Variants in TENT4A observed in about 807,000 individuals in gnomAD.
TENT4A encodes terminal nucleotidyltransferase 4A, also known as DNA polymerase kappa.
Under a neutral mutation model 72.8 loss-of-function variants are expected in TENT4A, and 7 were observed. The ratio of observed to expected loss-of-function variants is 0.10; its 90% CI spans 0.05 to 0.18. TENT4A has a LOEUF of 0.18. Ranked by LOEUF, TENT4A falls within the 10% of genes least tolerant of loss-of-function variation. The pLI is 1.00. For synonymous variants in TENT4A, 456 were observed against 434.3 expected, an observed-to-expected ratio of 1.05 and a Z score of -0.62; for missense variants, 831 against 1,017.7, an observed-to-expected ratio of 0.82 and a Z score of 2.50.
chr5:6,755,010 CAG>C lies in TENT4A; in HGVS notation c.*66_*67del. Reference sequence around the variant, plus strand: ...ACTGCCCCGCGGCCTCGGCCACCGGCAGGGGAACCGAGACCAGCACCCCGCAC... The same window carrying C: ...ACTGCCCCGCGGCCTCGGCCACCGGCGGGAACCGAGACCAGCACCCCGCAC... On this transcript the variant is annotated 3_prime_UTR_variant, in exon 13 of 13. Transcript: ENST00000230859. 7.1e-7 allele frequency: 1 copy of C among 1,410,152 alleles called. No homozygotes were observed. Among genetic ancestry groups the C allele is most frequent in the Non-Finnish European group, 9.4e-7 (1 of 1,059,610 alleles). The allele number at this position is 1,410,152 out of a possible 1,614,324, so 87.4% of individuals were successfully genotyped here. A position where few individuals can be genotyped will look rare whatever the true frequency, so the allele number is the denominator to read the frequency against.
At chr5:6,752,784 G>A in intron 11 of TENT4A, 89 bp from the exon 12 acceptor site, 2 of 1,138,156 alleles carry the variant, frequency 1.8e-6, no homozygotes, top group South Asian at 2.8e-5. Flanking sequence ...CCATTTATCA[G>A]CTGCCCTTTG....
Position 6,719,018 on chromosome 5 carries a change from CA to C in TENT4A, c.716+4322del, listed in dbSNP as rs578186786. 1.3e-4 allele frequency among the ~76,000 whole-genome samples: 20 copies of C among 151,084 alleles called. No individual in the cohort carries two copies. The East Asian group carries it at 3.9e-3, about 29-fold the overall frequency. ...TCGTGCTGTGGAAGTCAGAATGGAG[CA>C]AAGTGGGTTCTGTCTGTCTTGCTGC... On this transcript the variant is annotated intron_variant, in intron 1 of 12. Coordinates refer to ENST00000230859, the MANE Select transcript of TENT4A (RefSeq NM_006999.6).
At position 6,731,041 on chromosome 5, in the gene TENT4A, G is replaced by C. The variant is rs532759958; in HGVS notation, c.717-6469G>C. ...CTATCAGTGCGATGTAGTAGTGTCT[G>C]AATCAGTTGTTGTTTTGGTGTAATC... On this transcript the variant is annotated intron_variant, in intron 1 of 12. Coordinates refer to ENST00000230859, the MANE Select transcript of TENT4A (RefSeq NM_006999.6). Among the ~76,000 whole-genome samples the C allele has an allele frequency of 3.9e-5, 6 of 152,286 alleles. No homozygotes were observed. The East Asian group carries it at 7.7e-4, about 20-fold the overall frequency.
At chr5:6,743,234 C>T (rs1378587085) in intron 5 of TENT4A, among the ~76,000 whole-genome samples, 1 of 152,136 alleles carries the variant, frequency 6.6e-6, no homozygotes, top group Non-Finnish European at 1.5e-5. Context: ...CCCCTTCCCC[C>T]TTGTCATCTG....
chr5:6,733,426 GC>G (rs1741304957), intron 1 of TENT4A, among the ~76,000 whole-genome samples: 1 of 152,262 alleles, frequency 6.6e-6, no homozygotes, highest in South Asian at 2.1e-4. Context: ...GTTCTGAGAT[GC>G]CACCTTTGTG....
At chr5:6,732,823 G>A (rs974002028) in intron 1 of TENT4A, among the ~76,000 whole-genome samples, 18 of 152,090 alleles carry the variant, frequency 1.2e-4, no homozygotes, top group African/African-American at 4.1e-4. Flanking sequence ...GCAATGGATC[G>A]GGAAGCTGAC....
chr5:6,755,031 C>T lies in TENT4A; in HGVS notation c.*86C>T, dbSNP rs1742618807. On this transcript the variant is annotated 3_prime_UTR_variant, in exon 13 of 13. Transcript: ENST00000230859. ...CCGGCAGGGGAACCGAGACCAGCAC[C>T]CCGCACGTCAGCCGGGCTCGCGGCA... 6 of 1,241,746 alleles carry T rather than the reference C, an allele frequency of 4.8e-6. No homozygotes were observed. Among genetic ancestry groups the T allele is most frequent in the Non-Finnish European group, 6.5e-6 (6 of 924,912 alleles). 76.9% of individuals were successfully genotyped at this position (1,241,746 alleles called of 1,614,324 possible).
Position 6,714,260 on chromosome 5 carries a change from G to C in TENT4A, c.277G>C (p.Gly93Arg). 1.9e-6 allele frequency: 2 copies of C among 1,047,366 alleles called. No individual in the cohort carries two copies. Among genetic ancestry groups the C allele is most frequent in the Non-Finnish European group, 2.3e-6 (2 of 872,320 alleles). 64.9% of individuals were successfully genotyped at this position (1,047,366 alleles called of 1,614,324 possible). A position where few individuals can be genotyped will look rare whatever the true frequency, so the allele number is the denominator to read the frequency against. Reference protein sequence around the residue: ...ALPPALLTALGPAAEGARRLH... With the variant: ...ALPPALLTALRPAAEGARRLH... ...GCCCCCCGCGCTGCTGACGGCGCTG[G>C]GGCCCGCGGCCGAGGGCGCGCGGCG... Residue 93 changes from glycine to arginine, a missense_variant, in exon 1 of 13, where the codon GGG (glycine) becomes CGG (arginine). Transcript: ENST00000230859.
intron 1 of TENT4A, among the ~76,000 whole-genome samples, chr5:6,715,856 A>G (rs1414468458): frequency 2.0e-5 from 3 of 152,236 alleles, no homozygotes; most frequent in Non-Finnish European, 2.9e-5. Context: ...AAGTGTAAAC[A>G]TGCAGTGCAG....
chr5:6,735,199 T>G (rs1052711597), intron 1 of TENT4A, among the ~76,000 whole-genome samples: 2 of 152,250 alleles, frequency 1.3e-5, no homozygotes, highest in Non-Finnish European at 2.9e-5. Flanking sequence ...TTTGGCATTC[T>G]TCCATGACTT....
At chr5:6,734,113 C>T (rs973956911) in intron 1 of TENT4A, among the ~76,000 whole-genome samples, 2 of 152,188 alleles carry the variant, frequency 1.3e-5, no homozygotes, top group South Asian at 2.1e-4. Flanking sequence ...TTCTGGGCAC[C>T]GGAGACGGAG....
chr5:6,755,062 G>A lies in TENT4A; in HGVS notation c.*117G>A, dbSNP rs1468793708. On this transcript the variant is annotated 3_prime_UTR_variant, in exon 13 of 13. Coordinates refer to ENST00000230859, the MANE Select transcript of TENT4A (RefSeq NM_006999.6). The stretch of plus-strand genomic sequence containing the variant: ...CGTCAGCCGGGCTCGCGGCACGCCC[G>A]CCGCTGATCACTCTGCATGTTTCTT... 8.7e-6 allele frequency: 7 copies of A among 808,982 alleles called. No homozygotes were observed. In the East Asian group the frequency reaches 1.4e-4, roughly 16 times the overall value. 50.1% of individuals were successfully genotyped at this position (808,982 alleles called of 1,614,324 possible).
intron 1 of TENT4A, among the ~76,000 whole-genome samples, chr5:6,724,180 A>C (rs1384900294): frequency 6.6e-6 from 1 of 152,244 alleles, no homozygotes; most frequent in Non-Finnish European, 1.5e-5. Context: ...GCAGGTCTGC[A>C]TGGTATGCAA....
At chr5:6,742,689 A>G (rs1741867684) in intron 5 of TENT4A, 92 bp downstream of exon 5, 1 of 746,648 alleles carries the variant, frequency 1.3e-6, no homozygotes, top group Non-Finnish European at 2.5e-6. Flanking sequence ...TGTCAGCTGC[A>G]CACACAAGTC....
chr5:6,741,064 C>T (rs1189788754), intron 4 of TENT4A, among the ~76,000 whole-genome samples: 1 of 152,194 alleles, frequency 6.6e-6, no homozygotes, highest in Non-Finnish European at 1.5e-5. Flanking sequence ...AGGCGACCAC[C>T]TTTGGAGTAG....
chr5:6,733,797 C>T (rs1396392156), intron 1 of TENT4A, among the ~76,000 whole-genome samples: 1 of 152,120 alleles, frequency 6.6e-6, no homozygotes, highest in Non-Finnish European at 1.5e-5. Context: ...GCGCTGGCGG[C>T]GTGGCCTGTG....
At chr5:6,719,900 G>C (rs1212070923) in intron 1 of TENT4A, among the ~76,000 whole-genome samples, 1 of 152,182 alleles carries the variant, frequency 6.6e-6, no homozygotes, top group Non-Finnish European at 1.5e-5. Context: ...GCGGGGCTGG[G>C]TTCTCTGCTT....
chr5:6,715,194 G>A (rs1740305475), intron 1 of TENT4A: 1 of 152,168 alleles, frequency 6.6e-6, no homozygotes, highest in Non-Finnish European at 1.5e-5. Flanking sequence ...ATTTTTTGGG[G>A]GGTGTTGTGT....
intron 12 of TENT4A, among the ~76,000 whole-genome samples, chr5:6,754,399 C>T (rs1228998133): frequency 6.6e-6 from 1 of 152,156 alleles, no homozygotes; most frequent in Non-Finnish European, 1.5e-5. Context: ...AAGCTCCTGA[C>T]CTCAAGTGAC....
Sources: gnomAD v4.1 joint callset for allele counts (sites outside exome capture counted in the v4.1 genomes callset) on GRCh38, gnomAD v4.1.1 for gene constraint, MANE v1.5 for transcripts, NCBI Gene and HGNC (gene_info 2026-07-23, HGNC 2026-07-21) for gene names.